Variants in PINX1 observed in about 807,000 individuals in gnomAD.
The protein encoded by PINX1 is PIN2 (TERF1) interacting telomerase inhibitor 1, also known as PIN2/TERF1-interacting telomerase inhibitor 1.
In PINX1, 34 loss-of-function variants were observed where a neutral mutation model predicts 25.4. The ratio of observed to expected loss-of-function variants is 1.34; its 90% CI spans 1.02 to 1.78. The LOEUF (loss-of-function observed/expected upper bound fraction) is 1.78. Among genes scored for constraint, PINX1 ranks in the 40% most tolerant of loss-of-function variants. The probability of loss-of-function intolerance (pLI) is 0.00; values close to 1 mark genes in which losing one functional copy is unlikely to be tolerated. For missense variants in PINX1, 592 were observed against 404.9 expected (o/e 1.46, Z -3.97); for synonymous variants, 197 against 147.7 (o/e 1.33, Z -2.42).
chr8:10,784,749 C>A (rs1050160453), intron 6 of PINX1, among the ~76,000 whole-genome samples: 2 of 152,100 alleles, frequency 1.3e-5, no homozygotes, highest in South Asian at 4.1e-4. Flanking sequence ...ATTAAAGGAG[C>A]CTGGACTAAA....
chr8:10,778,940 A>G (rs1801497713), intron 6 of PINX1, among the ~76,000 whole-genome samples: 1 of 152,230 alleles, frequency 6.6e-6, no homozygotes. Flanking sequence ...CCTGGCAAGC[A>G]TCCCACTATG....
intron 6 of PINX1, among the ~76,000 whole-genome samples, chr8:10,812,593 C>G (rs978120690): frequency 1.8e-4 from 27 of 152,216 alleles, no homozygotes; most frequent in African/African-American, 6.5e-4. Flanking sequence ...TTTGTCCAAA[C>G]TGTCACCCTG....
intron 6 of PINX1, among the ~76,000 whole-genome samples, chr8:10,766,431 C>T (rs558525255): frequency 3.5e-4 from 53 of 152,298 alleles, no homozygotes; most frequent in Admixed American, 1.3e-3. Flanking sequence ...GGACAGGAGC[C>T]GCATTCCACC....
chr8:10,801,108 T>C (rs1802251432), intron 6 of PINX1, among the ~76,000 whole-genome samples: 1 of 152,244 alleles, frequency 6.6e-6, no homozygotes, highest in African/African-American at 2.4e-5. Context: ...AAGACACTGC[T>C]GGTAGAAAAC....
At chr8:10,805,197 C>T (rs563592657) in intron 6 of PINX1, among the ~76,000 whole-genome samples, 19 of 152,320 alleles carry the variant, frequency 1.2e-4, no homozygotes, top group Admixed American at 2.0e-4. Flanking sequence ...TGACCTGCTG[C>T]GACCTCCTGC....
intron 6 of PINX1, among the ~76,000 whole-genome samples, chr8:10,793,173 C>A (rs1801977615): frequency 6.6e-6 from 1 of 152,194 alleles, no homozygotes; most frequent in South Asian, 2.1e-4. Flanking sequence ...GCTTGAAGAG[C>A]TCCTGCCCCC....
intron 6 of PINX1, among the ~76,000 whole-genome samples, chr8:10,780,381 A>G (rs1801547823): frequency 6.6e-6 from 1 of 152,134 alleles, no homozygotes; most frequent in Non-Finnish European, 1.5e-5. Flanking sequence ...TTTTGTTGAG[A>G]AATTTTCTTT....
rs1351375094 is a variant in PINX1, at chr8:10,834,681, C to T, written c.114G>A (p.Gly38=). 1 of 1,613,498 alleles carries T rather than the reference C, an allele frequency of 6.2e-7. No homozygotes were observed. The highest frequency in any genetic ancestry group is 8.5e-7 in the Non-Finnish European group (1 of 1,179,554). The change falls in exon 2 of 7, where the codon GGG becomes GGA. Residue 38 remains glycine (G), a synonymous_variant. Transcript: ENST00000314787. ...TCCAAAATACCTTTCCTTTAGACCA[C>T]CCCATCTTCTCTAGCATCCGCTGGC... The part of the protein sequence containing the change: ...KFGQRMLEKM[G]WSKGKGLGAQ...
intron 6 of PINX1, among the ~76,000 whole-genome samples, chr8:10,804,938 G>C (rs1283333492): frequency 6.6e-6 from 1 of 151,272 alleles, no homozygotes; most frequent in Admixed American, 6.6e-5. Flanking sequence ...ACTCAAGAAG[G>C]ACCCCCGAGA....
intron 6 of PINX1, among the ~76,000 whole-genome samples, chr8:10,771,649 G>A (rs1174506055): frequency 2.6e-5 from 4 of 152,186 alleles, no homozygotes; most frequent in African/African-American, 9.7e-5. Flanking sequence ...CTGGACCAAG[G>A]CTGTGAAGAG....
intron 6 of PINX1, among the ~76,000 whole-genome samples, 168 bp from the exon 7 acceptor site, chr8:10,766,084 T>C (rs1235897933): frequency 2.0e-5 from 3 of 152,106 alleles, no homozygotes; most frequent in African/African-American, 7.2e-5. Context: ...CACGCTCCCT[T>C]TGGCCTCTCT....
intron 6 of PINX1, 41 bp downstream of exon 6, chr8:10,820,151 CA>C (rs776730470): frequency 1.6e-6 from 2 of 1,223,444 alleles, no homozygotes; most frequent in Non-Finnish European, 2.4e-6. Context: ...GAAAATCAGA[CA>C]GTATTAAAGC....
intron 4 of PINX1, among the ~76,000 whole-genome samples, chr8:10,827,551 G>T (rs1017760483): frequency 6.6e-6 from 1 of 151,972 alleles, no homozygotes; most frequent in Non-Finnish European, 1.5e-5. Context: ...ACGATCATAG[G>T]CAGAAGAGAG....
intron 6 of PINX1, among the ~76,000 whole-genome samples, chr8:10,786,734 T>A (rs979010252): frequency 1.3e-5 from 2 of 152,088 alleles, no homozygotes; most frequent in African/African-American, 4.8e-5. Context: ...CTGTGTAATC[T>A]TGCTTCCTCC....
At chr8:10,793,367 T>C (rs1801983724) in intron 6 of PINX1, among the ~76,000 whole-genome samples, 2 of 152,224 alleles carry the variant, frequency 1.3e-5, no homozygotes, top group South Asian at 4.1e-4. Flanking sequence ...TCCAATCTTT[T>C]GGCTTCCCAG....
chr8:10,816,317 C>CA (rs1797695871), intron 6 of PINX1, among the ~76,000 whole-genome samples: 1 of 152,208 alleles, frequency 6.6e-6, no homozygotes, highest in South Asian at 2.1e-4. Context: ...ACTATCTTTG[C>CA]AACATCCTGT....
At chr8:10,787,777 C>A (rs932731559) in intron 6 of PINX1, 1 of 455,246 alleles carries the variant, frequency 2.2e-6, no homozygotes, top group African/African-American at 2.0e-5. Flanking sequence ...AAATTCAGGA[C>A]ATGGGAAATT....
intron 4 of PINX1, among the ~76,000 whole-genome samples, chr8:10,826,504 G>C (rs965519065): frequency 7.9e-5 from 12 of 152,208 alleles, no homozygotes; most frequent in African/African-American, 2.7e-4. Flanking sequence ...AAATCCTTGA[G>C]GAAGAAATGG....
Position 10,834,776 on chromosome 8 carries a change from C to G in PINX1, c.20-1G>C. On this transcript the variant is annotated splice_acceptor_variant, in intron 1 of 6. Coordinates refer to ENST00000314787, the MANE Select transcript of PINX1 (RefSeq NM_017884.6). LOFTEE classifies it high-confidence loss of function. ...ACAGCCCACTTCTGCTTCCGCCGAC[C>G]TGTAAATGAAAAAGCATTATCATCA... 2 of 1,608,492 alleles carry G rather than the reference C, an allele frequency of 1.2e-6. No homozygotes were observed. The highest frequency in any genetic ancestry group is 1.7e-6 in the Non-Finnish European group (2 of 1,176,730).
Sources: allele counts gnomAD v4.1 joint callset (sites outside exome capture counted in the v4.1 genomes callset), GRCh38; gene constraint gnomAD v4.1.1; transcripts MANE v1.5; gene names NCBI Gene and HGNC (gene_info 2026-07-23, HGNC 2026-07-21).